NUP205: variants seen among roughly 807,000 people sequenced by gnomAD.
NUP205 encodes nuclear pore complex protein Nup205.
In NUP205, 76 loss-of-function variants were observed where a neutral mutation model predicts 253.8. The ratio of observed to expected loss-of-function variants is 0.30; its 90% CI spans 0.25 to 0.36. NUP205 has a LOEUF of 0.36. Among genes scored for constraint, NUP205 ranks in the 10% least tolerant of loss-of-function variants. The probability of loss-of-function intolerance (pLI) is 1.00; values close to 1 mark genes in which losing one functional copy is unlikely to be tolerated. For synonymous variants in NUP205, 832 were observed against 850.1 expected, an observed-to-expected ratio of 0.98 and a Z score of 0.37; for missense variants, 2,162 against 2,425.5, an observed-to-expected ratio of 0.89 and a Z score of 2.28.
rs1185016681 is a variant in NUP205 at position 135,584,913 on chromosome 7, C to A, written c.1124C>A (p.Ser375Tyr). 6.2e-7 allele frequency: 1 copy of A among 1,613,528 alleles called. No individual in the cohort carries two copies. Among genetic ancestry groups the A allele is most frequent in the African/African-American group, 1.3e-5 (1 of 74,910 alleles). Residue 375 changes from serine (S) to tyrosine (Y), a missense_variant, in exon 8 of 43, where the codon TCT becomes TAT. This residue lies in a region of NUP205 where 892 missense variants were observed against 957.1 expected (regional missense o/e 0.93). Transcript: ENST00000285968. ...ADNVFLFLME[S>Y]VVVSEYFYQE... ...AACGTTTTCCTGTTCCTCATGGAAT[C>A]TGTAGTGGTATCAGAATACTTTTAT...
chr7:135,624,141 T>C (rs1294657468), intron 31 of NUP205, among the ~76,000 whole-genome samples: 1 of 152,160 alleles, frequency 6.6e-6, no homozygotes, highest in Non-Finnish European at 1.5e-5. Context: ...AAAATACTGG[T>C]AGGAGACAGA....
chr7:135,594,862 G>A lies in NUP205; in HGVS notation c.2013+133G>A. The A allele has an allele frequency of 7.5e-6, 5 of 664,892 alleles. No homozygotes were observed. The South Asian group carries it at 1.1e-4, about 14-fold the overall frequency. 41.2% of individuals were successfully genotyped at this position (664,892 alleles called of 1,614,324 possible). A position where few individuals can be genotyped will look rare whatever the true frequency, so the allele number is the denominator to read the frequency against. ...ATCCCAACTAGAGTTACGGTTTAGG[G>A]ACTGAGCATAGCAATAGAAACTAAT... On this transcript the variant is annotated intron_variant, in intron 13 of 42. Coordinates refer to ENST00000285968, the MANE Select transcript of NUP205 (RefSeq NM_015135.3).
At position 135,645,829 on chromosome 7, in the gene NUP205, T is replaced by C. The variant is rs533079124; in HGVS notation, c.5812+233T>C. 6.6e-5 allele frequency: 38 copies of C among 577,750 alleles called. No individual in the cohort carries two copies. The Admixed American group carries it at 9.4e-4, about 14-fold the overall frequency. 35.8% of individuals were successfully genotyped at this position (577,750 alleles called of 1,614,324 possible). A position where few individuals can be genotyped will look rare whatever the true frequency, so the allele number is the denominator to read the frequency against. ...GCTCATCAGCTGTTCCTTAGCTTCT[T>C]GCTGCAGTTAGGGGGCTGATCCAGC... On this transcript the variant is annotated intron_variant, in intron 41 of 42. Coordinates refer to ENST00000285968, the MANE Select transcript of NUP205 (RefSeq NM_015135.3).
rs551041449 is a variant in NUP205, at chr7:135,562,319, C to G, written c.28+4347C>G. Among the ~76,000 whole-genome samples, 69 of 151,770 alleles carry G rather than the reference C, an allele frequency of 4.5e-4. 1 individual carries two copies. In the South Asian group the frequency reaches 0.014, roughly 31 times the overall value. ...TCAAGAGATTCTCCTGCCTTAGCCT[C>G]CCTAAGTAGCTGGGATTACAGGCGC... On this transcript the variant is annotated intron_variant, in intron 1 of 42. Coordinates refer to ENST00000285968, the MANE Select transcript of NUP205 (RefSeq NM_015135.3).
rs1366284855 is a variant in NUP205 at position 135,638,575 on chromosome 7, G to A, written c.5284G>A (p.Glu1762Lys). 3.7e-6 allele frequency: 6 copies of A among 1,613,724 alleles called. No homozygotes were observed. Among genetic ancestry groups the A allele is most frequent in the Non-Finnish European group, 4.2e-6 (5 of 1,179,834 alleles). The change falls in exon 38 of 43, where the codon GAA (glutamate) becomes AAA (lysine). Residue 1762 changes from glutamate (E) to lysine (K), a missense_variant. Glu to Lys is a moderately conservative substitution (Grantham distance 56). Around this residue, in one of 5 missense-constraint regions of NUP205, gnomAD observed 1,144 missense variants for 1,280.9 expected, o/e 0.89. Transcript: ENST00000285968. ...AMQQICANVM[E>K]YCQSLMLQSS... Reference sequence around the variant, plus strand: ...ATTATAGATTTGTGCCAATGTAATGGAATATTGCCAGTCACTCATGTTACA... The same window carrying A: ...ATTATAGATTTGTGCCAATGTAATGAAATATTGCCAGTCACTCATGTTACA...
chr7:135,598,362 G>A (rs1793892407), intron 15 of NUP205, among the ~76,000 whole-genome samples, 155 bp downstream of exon 15: 1 of 152,168 alleles, frequency 6.6e-6, no homozygotes, highest in Admixed American at 6.5e-5. Flanking sequence ...ATTAGTTTAT[G>A]TGCACTAAAA....
chr7:135,629,690 C>T (rs1794670346), intron 34 of NUP205, among the ~76,000 whole-genome samples: 1 of 152,038 alleles, frequency 6.6e-6, no homozygotes, highest in Non-Finnish European at 1.5e-5. Context: ...CTGCATCTGA[C>T]TAATTTTTGT....
chr7:135,604,492 G>C (rs767577076), intron 19 of NUP205, 32 bp downstream of exon 19: 1 of 1,585,824 alleles, frequency 6.3e-7, no homozygotes, highest in South Asian at 1.2e-5. Context: ...GTTATTTTTT[G>C]GTGCATTTTG....
chr7:135,646,292 A>G lies in NUP205; in HGVS notation c.5886+61A>G, dbSNP rs1390444669. ...CATTAAAGTAAAAGGGCTGGGTGTG[A>G]TGGTACACATCTGTAATCCCAGCAT... On this transcript the variant is annotated intron_variant, in intron 42 of 42. Coordinates refer to ENST00000285968, the MANE Select transcript of NUP205 (RefSeq NM_015135.3). The G allele has an allele frequency of 1.3e-4, 153 of 1,179,788 alleles. 1 individual carries two copies. The highest frequency in any genetic ancestry group is 2.9e-5 in the Non-Finnish European group (23 of 791,072). 73.1% of individuals were successfully genotyped at this position (1,179,788 alleles called of 1,614,324 possible).
At chr7:135,640,712 T>C (rs1794902475) in intron 38 of NUP205, among the ~76,000 whole-genome samples, 1 of 152,180 alleles carries the variant, frequency 6.6e-6, no homozygotes, top group African/African-American at 2.4e-5. Flanking sequence ...AAATAACCTT[T>C]ATTTAAAGGT....
chr7:135,619,126 G>A (rs892034574), intron 28 of NUP205, among the ~76,000 whole-genome samples: 9 of 152,144 alleles, frequency 5.9e-5, no homozygotes, highest in African/African-American at 2.2e-4. Flanking sequence ...AACTTTGAGA[G>A]GCCAAGGTGG....
At chr7:135,587,502 G>C in intron 8 of NUP205, 73 bp from the exon 9 acceptor site, 1 of 803,394 alleles carries the variant, frequency 1.2e-6, no homozygotes, top group African/African-American at 1.7e-5. Context: ...CTTTAAGACA[G>C]TTGCCTGATT....
chr7:135,606,539 A>C (rs1406271493), intron 20 of NUP205, among the ~76,000 whole-genome samples: 1 of 152,256 alleles, frequency 6.6e-6, no homozygotes, highest in Non-Finnish European at 1.5e-5. Context: ...AAGCACTTCT[A>C]GTCCCACACA....
intron 38 of NUP205, among the ~76,000 whole-genome samples, chr7:135,641,344 A>G (rs570199401): frequency 1.3e-5 from 2 of 152,352 alleles, no homozygotes; most frequent in South Asian, 4.1e-4. Context: ...ATAACAATGT[A>G]TTGTGAAAAC....
intron 39 of NUP205, among the ~76,000 whole-genome samples, chr7:135,644,564 G>A (rs941314108): frequency 1.2e-4 from 18 of 152,094 alleles, no homozygotes; most frequent in Non-Finnish European, 8.8e-5. Context: ...ATTCTCCATG[G>A]GATTGTTATA....
chr7:135,616,804 G>A (rs1212975979), intron 25 of NUP205, 78 bp downstream of exon 25: 1 of 834,354 alleles, frequency 1.2e-6, no homozygotes, highest in African/African-American at 1.8e-5. Flanking sequence ...GGATTATTAT[G>A]CCTGTGCCTC....
At chr7:135,638,125 G>T in intron 37 of NUP205, 66 bp downstream of exon 37, 1 of 1,537,088 alleles carries the variant, frequency 6.5e-7, no homozygotes, top group East Asian at 2.3e-5. Context: ...AATAACAGAT[G>T]TGGACCTGGT....
chr7:135,620,938 T>C (rs1351688752), intron 30 of NUP205, among the ~76,000 whole-genome samples: 1 of 152,228 alleles, frequency 6.6e-6, no homozygotes, highest in Non-Finnish European at 1.5e-5. Context: ...GAAAATGTTA[T>C]TAAGTGTTCA....
chr7:135,594,502 A>G, intron 12 of NUP205, 45 bp from the exon 13 acceptor site: 1 of 1,462,540 alleles, frequency 6.8e-7, no homozygotes, highest in African/African-American at 1.4e-5. Flanking sequence ...CATTTTAATA[A>G]CTTTTAAAAA....
Sources: gnomAD v4.1 joint callset for allele counts (sites outside exome capture counted in the v4.1 genomes callset) on GRCh38, gnomAD v4.1.1 for gene constraint, gnomAD v4.1.1 regional missense constraint, MANE v1.5 for transcripts, NCBI Gene and HGNC (gene_info 2026-07-23, HGNC 2026-07-21) for gene names.